The following OPRM1 variants were observed in gnomAD, a reference collection of about 807,000 sequenced individuals.
OPRM1 encodes the protein mu-type opioid receptor.
A neutral mutation model predicts 31.8 loss-of-function variants in OPRM1; 27 were observed. That is an observed-to-expected ratio of 0.85 (90% CI 0.63 to 1.17). The LOEUF (loss-of-function observed/expected upper bound fraction) is 1.17. OPRM1 is among the 50% of genes most tolerant of loss of function. The pLI is 0.00. For synonymous variants in OPRM1, 196 were observed against 189.9 expected (o/e 1.03, Z -0.26); for missense variants, 536 against 511.1 (o/e 1.05, Z -0.47).
At chr6:154,159,958 A>T in intron 3 of OPRM1, 1 of 1,613,348 alleles carries the variant, frequency 6.2e-7, no homozygotes, top group Non-Finnish European at 8.5e-7. Flanking sequence ...GGTGTTCATG[A>T]CTTTCCACTC....
rs148092353 is a variant in OPRM1, at chr6:154,175,788, T to C, written c.1165-70905T>C. 3.6e-3 allele frequency among the ~76,000 whole-genome samples: 546 copies of C among 152,074 alleles called. 3 individuals carry two copies. The highest frequency in any genetic ancestry group is 0.013 in the African/African-American group (524 of 41,466). On this transcript the variant is annotated intron_variant, in intron 3 of 3. Transcript: ENST00000337049. ...TTCCTTCTGAAACTATTCCAATCAATAGAAAAACAGGGAATCCTCCCAAAC... is the reference window on the plus strand; with the variant it reads ...TTCCTTCTGAAACTATTCCAATCAACAGAAAAACAGGGAATCCTCCCAAAC...
intron 3 of OPRM1, among the ~76,000 whole-genome samples, chr6:154,160,424 A>G (rs894299633): frequency 6.6e-6 from 1 of 152,208 alleles, no homozygotes; most frequent in African/African-American, 2.4e-5. Flanking sequence ...ACTAAGTAAA[A>G]TTGGAACGTA....
At chr6:154,027,041 G>A (rs1255043490) in intron 1 of OPRM1, among the ~76,000 whole-genome samples, 2 of 152,188 alleles carry the variant, frequency 1.3e-5, no homozygotes, top group African/African-American at 4.8e-5. Flanking sequence ...GCATTGAAGA[G>A]TTAGGTATGT....
chr6:154,021,599 T>C (rs968659243), intron 1 of OPRM1, among the ~76,000 whole-genome samples: 2 of 152,150 alleles, frequency 1.3e-5, no homozygotes, highest in African/African-American at 2.4e-5. Context: ...ACATGGAATC[T>C]TTCTCTATTT....
At chr6:154,109,784 C>CTGTGTG (rs1202510340) in intron 3 of OPRM1, among the ~76,000 whole-genome samples, 10 of 121,644 alleles carry the variant, frequency 8.2e-5, no homozygotes, top group African/African-American at 2.6e-4. Context: ...CTCTCTCTCT[C>CTGTGTG]TCTCTCTCTG....
intron 3 of OPRM1, among the ~76,000 whole-genome samples, chr6:154,223,829 C>T (rs1779049893): frequency 6.6e-6 from 1 of 152,230 alleles, no homozygotes; most frequent in Admixed American, 6.5e-5. Flanking sequence ...GGGATTAAAT[C>T]ACAGAGCTGC....
At chr6:154,043,907 A>G (rs1780578789) in intron 1 of OPRM1, among the ~76,000 whole-genome samples, 1 of 152,134 alleles carries the variant, frequency 6.6e-6, no homozygotes, top group Non-Finnish European at 1.5e-5. Flanking sequence ...TGTGTCTTCT[A>G]AACACACTAA....
intron 3 of OPRM1, chr6:154,213,022 G>A (rs1778094543): frequency 3.4e-6 from 2 of 596,910 alleles, no homozygotes; most frequent in Non-Finnish European, 6.0e-6. Context: ...AATTACATAA[G>A]AGGCAGAAAC....
At chr6:154,108,980 T>C in intron 3 of OPRM1, 1 of 984,894 alleles carries the variant, frequency 1.0e-6, no homozygotes, top group African/African-American at 1.7e-5. Context: ...GGGATTTTAT[T>C]TCATGGACCA....
chr6:154,024,409 T>C (rs181364050), intron 1 of OPRM1, among the ~76,000 whole-genome samples: 2 of 152,126 alleles, frequency 1.3e-5, no homozygotes, highest in East Asian at 3.9e-4. Flanking sequence ...TTGACTTTTA[T>C]TTTTTTGGAT....
At chr6:154,159,814 A>C in intron 3 of OPRM1, 1 of 1,593,598 alleles carries the variant, frequency 6.3e-7, no homozygotes, top group Non-Finnish European at 8.6e-7. Context: ...AGAGGAGAAA[A>C]CCCTGACTTT....
At chr6:154,215,056 G>C (rs554653453) in intron 3 of OPRM1, among the ~76,000 whole-genome samples, 2 of 152,272 alleles carry the variant, frequency 1.3e-5, no homozygotes, top group East Asian at 3.9e-4. Flanking sequence ...CTTATTGGGA[G>C]GATCTTGCTT....
At position 154,039,587 on chromosome 6, in the gene OPRM1, G is replaced by C. The variant is rs774232469; in HGVS notation, c.43G>C (p.Asp15His). Residue 15 changes from aspartate (D) to histidine (H), a missense_variant, in exon 1 of 4, where the codon GAT becomes CAT. Transcript: ENST00000330432. ...CCCCACGAACGCCAGCAATTGCACT[G>C]ATGCCTTGGCGTACTCAAGTTGCTC... ...AAPTNASNCT[D>H]ALAYSSCSPA... 3.7e-6 allele frequency: 6 copies of C among 1,613,712 alleles called. No homozygotes were observed. In the African/African-American group the frequency reaches 5.3e-5, roughly 14 times the overall value.
At chr6:154,219,540 A>G (rs1401200809) in intron 3 of OPRM1, among the ~76,000 whole-genome samples, 1 of 152,158 alleles carries the variant, frequency 6.6e-6, no homozygotes, top group Non-Finnish European at 1.5e-5. Flanking sequence ...TCACTATCAC[A>G]GGGCTCCAAG....
chr6:154,174,251 G>C (rs905779046), intron 3 of OPRM1, among the ~76,000 whole-genome samples: 9 of 152,194 alleles, frequency 5.9e-5, no homozygotes, highest in Admixed American at 3.3e-4. Flanking sequence ...ATGCTAGGAA[G>C]AAACTGCATC....
intron 3 of OPRM1, among the ~76,000 whole-genome samples, chr6:154,245,528 G>A (rs1480510343): frequency 6.6e-6 from 1 of 152,134 alleles, no homozygotes; most frequent in Non-Finnish European, 1.5e-5. Context: ...TAAAAATTTG[G>A]CCCACAAACA....
In OPRM1 at chr6:154,039,466, G is replaced by T. The variant is rs764289418; in HGVS notation, c.-79G>T. ...AGCTGTGGCAGCGGCGAAAGGAAGC[G>T]GCTGAGGCGCTTGGAACCCGAAAAG... is the stretch of plus-strand genomic sequence containing the variant. On this transcript the variant is annotated 5_prime_UTR_variant, in exon 1 of 4. Coordinates refer to ENST00000330432, the MANE Select transcript of OPRM1 (RefSeq NM_000914.5). The T allele has an allele frequency of 3.3e-5, 51 of 1,553,716 alleles. No individual in the cohort carries two copies. Among genetic ancestry groups the T allele is most frequent in the Non-Finnish European group, 4.4e-5 (50 of 1,148,194 alleles).
At chr6:154,076,496 T>C (rs1390670028) in intron 1 of OPRM1, among the ~76,000 whole-genome samples, 1 of 152,174 alleles carries the variant, frequency 6.6e-6, no homozygotes, top group Non-Finnish European at 1.5e-5. Context: ...ATTGAAACAA[T>C]AGTGGCATAT....
At chr6:154,232,030 T>G (rs1779763178) in intron 3 of OPRM1, among the ~76,000 whole-genome samples, 1 of 152,192 alleles carries the variant, frequency 6.6e-6, no homozygotes, top group South Asian at 2.1e-4. Flanking sequence ...TTATTATCAT[T>G]TTTACATAGT....
Sources: allele counts gnomAD v4.1 joint callset (sites outside exome capture counted in the v4.1 genomes callset), GRCh38; gene constraint gnomAD v4.1.1; transcripts MANE v1.5; gene names NCBI Gene and HGNC (gene_info 2026-07-23, HGNC 2026-07-21).